Variants in AP2A2 observed in about 807,000 individuals in gnomAD.
AP2A2 encodes the protein AP-2 complex subunit alpha-2.
A neutral mutation model predicts 104.2 loss-of-function variants in AP2A2; 32 were observed. The ratio of observed to expected loss-of-function variants is 0.31; its 90% CI spans 0.23 to 0.41. AP2A2 has a LOEUF of 0.41. Among genes scored for constraint, AP2A2 ranks in the 10% least tolerant of loss-of-function variants. The pLI is 1.00. For missense variants in AP2A2, 912 were observed against 1,261.0 expected (o/e 0.72, Z 4.19); for synonymous variants, 539 against 533.3 (o/e 1.01, Z -0.15).
In AP2A2 at chr11:939,760, T is replaced by C. The variant is rs535789752; in HGVS notation, c.67+13672T>C. ...GTGCCTGGCCTGTTTATTGATGCCTTACTCTAGAAGATGAGTCTTTTAACT... is the reference window on the plus strand; with the variant it reads ...GTGCCTGGCCTGTTTATTGATGCCTCACTCTAGAAGATGAGTCTTTTAACT... On this transcript the variant is annotated intron_variant, in intron 1 of 21. Coordinates refer to ENST00000448903, the MANE Select transcript of AP2A2 (RefSeq NM_012305.4). 7.2e-5 allele frequency among the ~76,000 whole-genome samples: 11 copies of C among 152,002 alleles called. No individual in the cohort carries two copies. The South Asian group carries it at 2.3e-3, about 32-fold the overall frequency.
At chr11:959,320 C>A in intron 1 of AP2A2, 117 bp from the exon 2 acceptor site, 1 of 733,148 alleles carries the variant, frequency 1.4e-6, no homozygotes, top group Non-Finnish European at 2.3e-6. Context: ...GGCTTTTCTC[C>A]TGCCTTGAAA....
intron 1 of AP2A2, chr11:933,424 C>T (rs950438598): frequency 1.9e-5 from 8 of 424,006 alleles, no homozygotes; most frequent in South Asian, 8.1e-5. Context: ...CTGGTTGAAA[C>T]GTCTTGAAAA....
chr11:1,006,417 C>G, intron 16 of AP2A2, 111 bp from the exon 17 acceptor site: 1 of 789,368 alleles, frequency 1.3e-6, no homozygotes. Flanking sequence ...TACATCACAA[C>G]AGTGAACTTA....
At position 981,226 on chromosome 11, in the gene AP2A2, T is replaced by C; in HGVS notation, c.632T>C (p.Ile211Thr). 1 of 1,613,590 alleles carries C rather than the reference T, an allele frequency of 6.2e-7. No individual in the cohort carries two copies. The highest frequency in any genetic ancestry group is 8.5e-7 in the Non-Finnish European group (1 of 1,179,756). ...LGVVTAATSL[I>T]TTLAQKNPEE... The stretch of plus-strand genomic sequence containing the variant: ...GTGGTAACTGCAGCCACAAGTCTGA[T>C]CACCACTTTAGCACAGAAGAACCCA... The change falls in exon 6 of 22, where the codon ATC (isoleucine) becomes ACC (threonine). Residue 211 changes from isoleucine (I) to threonine (T), a missense_variant. Ile to Thr is a moderately conservative substitution (Grantham distance 89). This residue lies in a region of AP2A2 where 350 missense variants were observed against 487.0 expected (regional missense o/e 0.72). Coordinates refer to ENST00000448903, the MANE Select transcript of AP2A2 (RefSeq NM_012305.4).
intron 1 of AP2A2, among the ~76,000 whole-genome samples, chr11:954,077 C>T (rs1016689159): frequency 2.0e-5 from 3 of 152,110 alleles, no homozygotes; most frequent in Non-Finnish European, 4.4e-5. Flanking sequence ...TCAGGTGATC[C>T]GCCCGCCTCA....
At chr11:1,010,080 C>T in intron 21 of AP2A2, 1 of 508,888 alleles carries the variant, frequency 2.0e-6, no homozygotes. Context: ...GGTTGCATCC[C>T]AGCCTCCCCA....
intron 1 of AP2A2, among the ~76,000 whole-genome samples, chr11:928,953 A>C (rs1043123668): frequency 6.6e-6 from 1 of 152,094 alleles, no homozygotes; most frequent in African/African-American, 2.4e-5. Context: ...TGCGCACCCT[A>C]TCTTGCTCAT....
chr11:1,009,481 C>T (rs997465643), intron 20 of AP2A2, 84 bp downstream of exon 20: 22 of 1,432,518 alleles, frequency 1.5e-5, no homozygotes, highest in East Asian at 2.6e-5. Context: ...CCGGGGAACA[C>T]GCAGCCCATG....
chr11:984,830 T>C (rs1218150691), intron 7 of AP2A2, 77 bp downstream of exon 7: 1 of 1,275,052 alleles, frequency 7.8e-7, no homozygotes, highest in Non-Finnish European at 1.1e-6. Flanking sequence ...GTGGTTTGTT[T>C]GTTATTTTAA....
chr11:983,409 G>A (rs1855321371), intron 6 of AP2A2, among the ~76,000 whole-genome samples: 1 of 150,884 alleles, frequency 6.6e-6, no homozygotes, highest in Non-Finnish European at 1.5e-5. Flanking sequence ...TTGAGATGGA[G>A]TCTCACTCTG....
chr11:985,189 G>A (rs1855409544), intron 7 of AP2A2, among the ~76,000 whole-genome samples: 1 of 152,108 alleles, frequency 6.6e-6, no homozygotes, highest in Admixed American at 6.5e-5. Flanking sequence ...CACCATGTTG[G>A]CCAGTCTGTT....
At chr11:994,989 G>A (rs1424458446) in intron 14 of AP2A2, among the ~76,000 whole-genome samples, 9 of 123,182 alleles carry the variant, frequency 7.3e-5, no homozygotes, top group South Asian at 5.1e-4. Context: ...CCTGCTGGAC[G>A]CCCCTCTGGC....
chr11:985,250 T>G (rs546047429), intron 7 of AP2A2, 185 bp from the exon 8 acceptor site: 7 of 741,754 alleles, frequency 9.4e-6, no homozygotes, highest in Non-Finnish European at 1.5e-5. Flanking sequence ...CCCAAAGTGC[T>G]GGGATTACAG....
rs991413205 is a variant in AP2A2 at position 999,109 on chromosome 11, TG to T, written c.1957-1319del. Among the ~76,000 whole-genome samples the T allele has an allele frequency of 5.3e-5, 8 of 152,250 alleles. No individual in the cohort carries two copies. The South Asian group carries it at 1.0e-3, about 20-fold the overall frequency. On this transcript the variant is annotated intron_variant, in intron 14 of 21. Coordinates refer to ENST00000448903, the MANE Select transcript of AP2A2 (RefSeq NM_012305.4). Reference sequence around the variant, plus strand: ...CAAAGTCAGGCTGCTGGGGCATTGCTGGGGAGCCTGCTGCCCTGTTGGATGG... The same window carrying T: ...CAAAGTCAGGCTGCTGGGGCATTGCTGGGAGCCTGCTGCCCTGTTGGATGG...
intron 15 of AP2A2, among the ~76,000 whole-genome samples, chr11:1,001,926 C>T (rs1381394676): frequency 6.6e-6 from 1 of 152,190 alleles, no homozygotes; most frequent in African/African-American, 2.4e-5. Flanking sequence ...TACAGAGGGT[C>T]ATCAGGTGTC....
intron 14 of AP2A2, among the ~76,000 whole-genome samples, chr11:997,243 A>G (rs1315587276): frequency 6.6e-6 from 1 of 152,054 alleles, no homozygotes; most frequent in Non-Finnish European, 1.5e-5. Context: ...TTCTGCACAC[A>G]GCTCCTTGGG....
chr11:929,366 A>G (rs544743892), intron 1 of AP2A2, among the ~76,000 whole-genome samples: 1 of 152,302 alleles, frequency 6.6e-6, no homozygotes, highest in South Asian at 2.1e-4. Context: ...TAGCAGCTGC[A>G]TGAGTGGAGG....
chr11:975,950 C>T (rs1206664464), intron 4 of AP2A2, among the ~76,000 whole-genome samples: 1 of 152,186 alleles, frequency 6.6e-6, no homozygotes, highest in East Asian at 1.9e-4. Flanking sequence ...GATCCTCCTC[C>T]TCTCTGAGGA....
chr11:986,208 G>A (rs1442994451), intron 8 of AP2A2, among the ~76,000 whole-genome samples: 1 of 152,236 alleles, frequency 6.6e-6, no homozygotes, highest in Non-Finnish European at 1.5e-5. Context: ...GTGGGCAGAC[G>A]CTCTCTACAG....
Sources: allele counts gnomAD v4.1 joint callset (sites outside exome capture counted in the v4.1 genomes callset), GRCh38; gene constraint gnomAD v4.1.1; regional missense constraint gnomAD v4.1.1; transcripts MANE v1.5; gene names NCBI Gene and HGNC (gene_info 2026-07-23, HGNC 2026-07-21).